The following SND1 variants were observed in gnomAD, a reference collection of about 807,000 sequenced individuals.
SND1 encodes the protein staphylococcal nuclease and tudor domain containing 1.
Under a neutral mutation model 121.7 loss-of-function variants are expected in SND1, and 38 were observed. The observed-to-expected ratio is 0.31, with a 90% CI of 0.24 to 0.41. SND1 has a LOEUF of 0.41. SND1 is among the 10% of genes least tolerant of loss of function. SND1 has a pLI of 1.00. For missense variants in SND1, 868 were observed against 1,184.6 expected (o/e 0.73, Z 3.92); for synonymous variants, 401 against 447.4 (o/e 0.90, Z 1.31).
At chr7:127,959,330 T>A (rs1801674087) in intron 15 of SND1, among the ~76,000 whole-genome samples, 1 of 152,242 alleles carries the variant, frequency 6.6e-6, no homozygotes, top group Non-Finnish European at 1.5e-5. Context: ...CATTTTTATA[T>A]ACACATTCCT....
chr7:127,861,682 G>A (rs1799383360), intron 12 of SND1, among the ~76,000 whole-genome samples: 1 of 152,138 alleles, frequency 6.6e-6, no homozygotes, highest in African/African-American at 2.4e-5. Context: ...CGCCATGTTG[G>A]CCAGGCTAGG....
At chr7:127,756,921 T>A (rs888664436) in intron 10 of SND1, among the ~76,000 whole-genome samples, 4 of 152,234 alleles carry the variant, frequency 2.6e-5, no homozygotes, top group Admixed American at 6.5e-5. Flanking sequence ...AAAGCTTTTT[T>A]AAAATACTTT....
At chr7:127,899,249 C>T (rs1229563204) in intron 13 of SND1, among the ~76,000 whole-genome samples, 2 of 151,530 alleles carry the variant, frequency 1.3e-5, no homozygotes, top group Admixed American at 1.3e-4. Flanking sequence ...TTTATAATTA[C>T]ATGCTGAACT....
chr7:128,004,641 G>A (rs1308047335), intron 16 of SND1, among the ~76,000 whole-genome samples: 1 of 152,250 alleles, frequency 6.6e-6, no homozygotes, highest in Non-Finnish European at 1.5e-5. Flanking sequence ...GGACTTAGGG[G>A]TTCCTTCAGT....
chr7:128,053,354 T>TG, intron 16 of SND1, among the ~76,000 whole-genome samples: 1 of 152,184 alleles, frequency 6.6e-6, no homozygotes, highest in Non-Finnish European at 1.5e-5. Flanking sequence ...TTCCCAAGGC[T>TG]TTGGGCACTT....
At chr7:127,990,459 G>A (rs1802494586) in intron 15 of SND1, among the ~76,000 whole-genome samples, 2 of 152,156 alleles carry the variant, frequency 1.3e-5, no homozygotes, top group Non-Finnish European at 2.9e-5. Flanking sequence ...AGAGAAAAGT[G>A]ACACTGAATT....
At chr7:127,837,656 G>T (rs955758110) in intron 11 of SND1, among the ~76,000 whole-genome samples, 2 of 152,310 alleles carry the variant, frequency 1.3e-5, no homozygotes, top group African/African-American at 4.8e-5. Flanking sequence ...AATTTGTTTT[G>T]AAGCTCTTCC....
intron 10 of SND1, among the ~76,000 whole-genome samples, chr7:127,739,975 A>T (rs1035106430): frequency 6.6e-6 from 1 of 152,212 alleles, no homozygotes; most frequent in African/African-American, 2.4e-5. Flanking sequence ...GAGACATCCT[A>T]TGCACAATGC....
intron 12 of SND1, among the ~76,000 whole-genome samples, chr7:127,879,008 A>C (rs1459467002): frequency 1.3e-5 from 2 of 152,130 alleles, no homozygotes; most frequent in Non-Finnish European, 2.9e-5. Flanking sequence ...TGAAGACTGG[A>C]GAATAAAAAA....
intron 10 of SND1, among the ~76,000 whole-genome samples, chr7:127,722,889 C>T (rs1796520515): frequency 6.6e-6 from 1 of 152,084 alleles, no homozygotes; most frequent in Admixed American, 6.5e-5. Flanking sequence ...GTATGAAAGC[C>T]TAGAAATGCC....
In SND1 at chr7:127,871,381, G is replaced by A. The variant is rs7789724; in HGVS notation, c.1344-16521G>A. ...TATACATTTATAGGATTCACAGTGC[G>A]GTAGGTTTATTTTTACCAGCATCAC... On this transcript the variant is annotated intron_variant, in intron 12 of 23. Coordinates refer to ENST00000354725, the MANE Select transcript of SND1 (RefSeq NM_014390.4). Among the ~76,000 whole-genome samples the A allele has an allele frequency of 5.3e-5, 8 of 152,236 alleles. No individual in the cohort carries two copies. In the South Asian group the frequency reaches 6.2e-4, roughly 12 times the overall value.
At chr7:127,759,093 GATAGA>G (rs1797252059) in intron 10 of SND1, among the ~76,000 whole-genome samples, 1 of 152,100 alleles carries the variant, frequency 6.6e-6, no homozygotes, top group Admixed American at 6.5e-5. Context: ...TAGATAGATA[GATAGA>G]TAGGCAGGCA....
At chr7:127,717,062 T>G (rs1461002776) in intron 9 of SND1, among the ~76,000 whole-genome samples, 1 of 152,172 alleles carries the variant, frequency 6.6e-6, no homozygotes, top group Non-Finnish European at 1.5e-5. Flanking sequence ...ATTAAATTAT[T>G]AGAGACTTCA....
intron 11 of SND1, among the ~76,000 whole-genome samples, chr7:127,834,011 C>T (rs1196986968): frequency 6.6e-6 from 1 of 151,980 alleles, no homozygotes; most frequent in Non-Finnish European, 1.5e-5. Context: ...ATAATGTCCT[C>T]AAGATAATGA....
chr7:127,701,609 G>T (rs965797134), intron 5 of SND1, among the ~76,000 whole-genome samples: 6 of 152,060 alleles, frequency 3.9e-5, no homozygotes, highest in African/African-American at 1.4e-4. Context: ...CTAAAAGAAG[G>T]CTACTTAAAT....
intron 11 of SND1, among the ~76,000 whole-genome samples, chr7:127,818,293 G>A (rs867426398): frequency 6.6e-6 from 1 of 152,184 alleles, no homozygotes; most frequent in Middle Eastern, 3.2e-3. Context: ...TGCCTAGTGT[G>A]AAGTCTTCAT....
At chr7:127,984,791 C>CG (rs1802347011) in intron 15 of SND1, among the ~76,000 whole-genome samples, 1 of 152,178 alleles carries the variant, frequency 6.6e-6, no homozygotes, top group Non-Finnish European at 1.5e-5. Context: ...CCATGAAAAT[C>CG]TAATAGGAGC....
chr7:127,712,916 T>C (rs1233965559), intron 9 of SND1, among the ~76,000 whole-genome samples: 5 of 152,230 alleles, frequency 3.3e-5, no homozygotes, highest in Non-Finnish European at 7.3e-5. Context: ...TAGTTGAGAA[T>C]TTTTTTCGTT....
At chr7:127,677,071 A>G (rs1204806501) in intron 1 of SND1, among the ~76,000 whole-genome samples, 2 of 152,186 alleles carry the variant, frequency 1.3e-5, no homozygotes, top group African/African-American at 2.4e-5. Flanking sequence ...CCCTAGAGGA[A>G]TGTCCATCTT....
Sources: allele counts gnomAD v4.1 joint callset (sites outside exome capture counted in the v4.1 genomes callset), GRCh38; gene constraint gnomAD v4.1.1; transcripts MANE v1.5; gene names NCBI Gene and HGNC (gene_info 2026-07-23, HGNC 2026-07-21).